ZNF654: variants seen among roughly 807,000 people sequenced by gnomAD.
ZNF654 encodes melanoma-associated antigen.
ZNF654 carries 19 observed loss-of-function variants against 95.3 expected under a neutral mutation model. The observed-to-expected ratio is 0.20, with a 90% CI of 0.14 to 0.29. The LOEUF (loss-of-function observed/expected upper bound fraction) is 0.29. Ranked by LOEUF, ZNF654 falls within the 10% of genes least tolerant of loss-of-function variation. The pLI is 1.00. For synonymous variants in ZNF654, 413 were observed against 457.9 expected (o/e 0.90, Z 1.25); for missense variants, 1,046 against 1,341.0 (o/e 0.78, Z 3.44).
intron 2 of ZNF654, among the ~76,000 whole-genome samples, chr3:88,099,561 C>G (rs1169412338): frequency 5.4e-5 from 3 of 55,806 alleles, no homozygotes; most frequent in African/African-American, 1.2e-4. Flanking sequence ...CATCACACTA[C>G]CTACTTCAAA....
In ZNF654 at chr3:88,138,734, T is replaced by G; in HGVS notation, c.1065T>G (p.Val355=). 8.1e-7 allele frequency: 1 copy of G among 1,232,014 alleles called. No individual in the cohort carries two copies. Among genetic ancestry groups the G allele is most frequent in the Non-Finnish European group, 1.0e-6 (1 of 987,846 alleles). The allele number at this position is 1,232,014 out of a possible 1,614,324, so 76.3% of individuals were successfully genotyped here. ...EVEEEGLQIC[V]EICGCALQLD... is the part of the protein sequence containing the mutation. ...AAGAAGAAGGCTTGCAAATTTGTGT[T>G]GAAATATGTGGTTGTGCTCTACAAC... Residue 355 remains valine, a synonymous_variant, in exon 8 of 9, where the codon GTT becomes GTG. Transcript: ENST00000636215.
intron 1 of ZNF654, among the ~76,000 whole-genome samples, chr3:88,061,098 G>C (rs1262407112): frequency 6.6e-6 from 1 of 152,026 alleles, no homozygotes; most frequent in Non-Finnish European, 1.5e-5. Context: ...CAGAGCACTT[G>C]TTTTGTAACT....
intron 1 of ZNF654, among the ~76,000 whole-genome samples, chr3:88,075,927 A>G (rs906404106): frequency 4.6e-5 from 7 of 152,172 alleles, no homozygotes; most frequent in Non-Finnish European, 7.4e-5. Flanking sequence ...CACAACATCA[A>G]ACCCAAGACT....
At chr3:88,077,878 C>CT (rs1240139207) in intron 1 of ZNF654, among the ~76,000 whole-genome samples, 3 of 152,122 alleles carry the variant, frequency 2.0e-5, no homozygotes, top group Admixed American at 2.0e-4. Context: ...TCTGTATACT[C>CT]TGTGTTGTAG....
chr3:88,107,866 T>A (rs1266116623), intron 2 of ZNF654, among the ~76,000 whole-genome samples: 2 of 152,170 alleles, frequency 1.3e-5, no homozygotes, highest in Admixed American at 1.3e-4. Context: ...TTTCTTAAAC[T>A]ATATAATACC....
chr3:88,059,597 C>T (rs749789483), intron 1 of ZNF654, 92 bp downstream of exon 1: 71 of 1,415,838 alleles, frequency 5.0e-5, no homozygotes, highest in Admixed American at 1.2e-4. Context: ...TGGTCTATGT[C>T]CAGTGCCCGC....
chr3:88,118,177 A>G (rs1212552263), intron 3 of ZNF654, among the ~76,000 whole-genome samples: 1 of 152,118 alleles, frequency 6.6e-6, no homozygotes, highest in Admixed American at 6.5e-5. Context: ...TGAAGCCAGT[A>G]TATAAGTCGC....
intron 1 of ZNF654, among the ~76,000 whole-genome samples, chr3:88,060,952 T>C (rs1296721271): frequency 1.3e-5 from 2 of 152,192 alleles, no homozygotes; most frequent in Admixed American, 6.5e-5. Context: ...AGAAGTTGGT[T>C]TGAAGAGTAT....
intron 2 of ZNF654, among the ~76,000 whole-genome samples, chr3:88,110,468 C>T (rs1330985858): frequency 6.6e-6 from 1 of 152,072 alleles, no homozygotes; most frequent in Admixed American, 6.5e-5. Flanking sequence ...ATGTAATTTT[C>T]ACCCACCATG....
In ZNF654 at chr3:88,132,341, A is replaced by G. The variant is rs1228350026; in HGVS notation, c.893+2515A>G. Among the ~76,000 whole-genome samples, 3 of 152,160 alleles carry G rather than the reference A, an allele frequency of 2.0e-5. No individual in the cohort carries two copies. The East Asian group carries it at 5.8e-4, about 29-fold the overall frequency. On this transcript the variant is annotated intron_variant, in intron 6 of 8. Coordinates refer to ENST00000636215, the MANE Select transcript of ZNF654 (RefSeq NM_001350134.2). ...ATATTAGTAGTTAATAGGGTCTTTTATTAGCTAGTTACCTGGGAAATGCGT... is the reference window on the plus strand; with the variant it reads ...ATATTAGTAGTTAATAGGGTCTTTTGTTAGCTAGTTACCTGGGAAATGCGT...
At chr3:88,127,714 G>A (rs1706205180) in intron 4 of ZNF654, among the ~76,000 whole-genome samples, 1 of 152,148 alleles carries the variant, frequency 6.6e-6, no homozygotes, top group Non-Finnish European at 1.5e-5. Context: ...GTTCGTCTGA[G>A]GGCTGATGGC....
chr3:88,077,489 C>T lies in ZNF654; in HGVS notation c.187-8768C>T, dbSNP rs1242616583. On this transcript the variant is annotated intron_variant, in intron 1 of 8. Coordinates refer to ENST00000636215, the MANE Select transcript of ZNF654 (RefSeq NM_001350134.2). ...GTGGGACTACAGACGCCTGCCACCACGCCCGGCTAATTTTTTGTGATTTTT... is the reference window on the plus strand; with the variant it reads ...GTGGGACTACAGACGCCTGCCACCATGCCCGGCTAATTTTTTGTGATTTTT... Among the ~76,000 whole-genome samples the T allele has an allele frequency of 3.9e-5, 5 of 127,432 alleles. No homozygotes were observed. The South Asian group carries it at 1.0e-3, about 26-fold the overall frequency. 83.6% of individuals were successfully genotyped at this position (127,432 alleles called of 152,430 possible).
intron 2 of ZNF654, among the ~76,000 whole-genome samples, chr3:88,089,541 C>A (rs1265701311): frequency 6.6e-6 from 1 of 151,784 alleles, no homozygotes; most frequent in Non-Finnish European, 1.5e-5. Flanking sequence ...AAAGCAAGAA[C>A]TGGGACTAGT....
At position 88,131,279 on chromosome 3, in the gene ZNF654, G is replaced by A. The variant is rs139769338; in HGVS notation, c.893+1453G>A. 9.9e-5 allele frequency among the ~76,000 whole-genome samples: 15 copies of A among 152,236 alleles called. No individual in the cohort carries two copies. The East Asian group carries it at 1.5e-3, about 16-fold the overall frequency. The stretch of plus-strand genomic sequence containing the variant: ...ATCTTGTGTGACCACTGTTGTATAC[G>A]CAGTCTTCTGTTCACTGAAATGTTG... On this transcript the variant is annotated intron_variant, in intron 6 of 8. Coordinates refer to ENST00000636215, the MANE Select transcript of ZNF654 (RefSeq NM_001350134.2).
intron 7 of ZNF654, among the ~76,000 whole-genome samples, chr3:88,135,945 TTATG>T (rs1474794175): frequency 6.6e-6 from 1 of 152,152 alleles, no homozygotes; most frequent in Non-Finnish European, 1.5e-5. Context: ...TTTTATGTAT[TTATG>T]CATTTATTAC....
intron 3 of ZNF654, among the ~76,000 whole-genome samples, chr3:88,114,179 C>T (rs1490618778): frequency 6.6e-6 from 1 of 151,978 alleles, no homozygotes; most frequent in East Asian, 1.9e-4. Context: ...ACAATCAAAC[C>T]TTTATAAATG....
rs777760226 is a variant in ZNF654, at chr3:88,102,817, C to CTGT, written c.333-10297_333-10296insGTT. ...TGCTGTTTACCTCAACCTCTACTGT[C>CTGT]TTTTTTTTTTTTTTTTTTTTTAATA... On this transcript the variant is annotated intron_variant, in intron 2 of 8. Transcript: ENST00000636215. Among the ~76,000 whole-genome samples, 5 of 106,532 alleles carry CTGT rather than the reference C, an allele frequency of 4.7e-5. No individual in the cohort carries two copies. In the East Asian group the frequency reaches 1.5e-3, roughly 32 times the overall value. The allele number at this position is 106,532 out of a possible 152,430, so 69.9% of individuals were successfully genotyped here. A position where few individuals can be genotyped will look rare whatever the true frequency, so the allele number is the denominator to read the frequency against.
chr3:88,129,863 A>T (rs1395297014), intron 6 of ZNF654, 37 bp downstream of exon 6: 1 of 1,373,258 alleles, frequency 7.3e-7, no homozygotes, highest in East Asian at 2.6e-5. Flanking sequence ...AAATGGTAAG[A>T]TGGGCAACAG....
chr3:88,117,222 TCAACTC>T (rs1256457142), intron 3 of ZNF654, among the ~76,000 whole-genome samples: 2 of 152,204 alleles, frequency 1.3e-5, no homozygotes, highest in Admixed American at 1.3e-4. Context: ...AATTTAATTT[TCAACTC>T]ATAATTACTT....
Sources: allele counts gnomAD v4.1 joint callset (sites outside exome capture counted in the v4.1 genomes callset), GRCh38; gene constraint gnomAD v4.1.1; transcripts MANE v1.5; gene names NCBI Gene and HGNC (gene_info 2026-07-23, HGNC 2026-07-21).